SLC19A2: variants seen among roughly 807,000 people sequenced by gnomAD.
The protein encoded by SLC19A2 is solute carrier family 19 member 2.
A neutral mutation model predicts 44.7 loss-of-function variants in SLC19A2; 27 were observed. The ratio of observed to expected loss-of-function variants is 0.60; its 90% CI spans 0.45 to 0.83. The LOEUF is 0.83. Among genes scored for constraint, SLC19A2 ranks in the 40% least tolerant of loss-of-function variants. The pLI is 0.00. For synonymous variants in SLC19A2, 239 were observed against 243.6 expected, an observed-to-expected ratio of 0.98 and a Z score of 0.18; for missense variants, 566 against 613.7, an observed-to-expected ratio of 0.92 and a Z score of 0.82.
intron 1 of SLC19A2, among the ~76,000 whole-genome samples, chr1:169,482,748 A>C (rs777968385): frequency 8.5e-5 from 13 of 152,210 alleles, no homozygotes; most frequent in Non-Finnish European, 1.3e-4. Flanking sequence ...CTTTGAGTAC[A>C]TGTCAACAGA....
At position 169,478,300 on chromosome 1, in the gene SLC19A2, C is replaced by T. The variant is rs560047192; in HGVS notation, c.205-543G>A. ...GACTTCCTTATTCAGAAAGACTTTG[C>T]GGAAGCCAAAAGTACTTGTATTACA... On this transcript the variant is annotated intron_variant, in intron 1 of 5. Transcript: ENST00000236137. Among the ~76,000 whole-genome samples the T allele has an allele frequency of 2.6e-4, 40 of 151,870 alleles. No homozygotes were observed. In the East Asian group the frequency reaches 3.5e-3, roughly 13 times the overall value.
At chr1:169,474,027 G>T (rs1478957105) in intron 2 of SLC19A2, 1 of 152,114 alleles carries the variant, frequency 6.6e-6, no homozygotes, top group Non-Finnish European at 1.5e-5. Context: ...CCAAGTATTA[G>T]AACTAGGGTT....
At chr1:169,474,637 A>C (rs1658268068) in intron 2 of SLC19A2, among the ~76,000 whole-genome samples, 1 of 152,184 alleles carries the variant, frequency 6.6e-6, no homozygotes, top group Non-Finnish European at 1.5e-5. Flanking sequence ...AATCAAGATA[A>C]AACCACCTAC....
In SLC19A2 at chr1:169,485,850, C is replaced by A. The variant is rs1658554493; in HGVS notation, c.-84G>T. On this transcript the variant is annotated 5_prime_UTR_variant, in exon 1 of 6. Transcript: ENST00000236137. ...GGAGTGAGGGTCAGGCACTTGTAAC[C>A]GCGAGTGACGCCTTCTCCCTGTAAG... 5 of 1,390,214 alleles carry A rather than the reference C, an allele frequency of 3.6e-6. No homozygotes were observed. The South Asian group carries it at 4.2e-5, about 12-fold the overall frequency. 86.1% of individuals were successfully genotyped at this position (1,390,214 alleles called of 1,614,324 possible).
chr1:169,468,276 A>G lies in SLC19A2; in HGVS notation c.1224-24T>C, dbSNP rs368571997. 36 of 1,586,644 alleles carry G rather than the reference A, an allele frequency of 2.3e-5. No homozygotes were observed. The African/African-American group carries it at 4.2e-4, about 18-fold the overall frequency. On this transcript the variant is annotated intron_variant, in intron 4 of 5. Coordinates refer to ENST00000236137, the MANE Select transcript of SLC19A2 (RefSeq NM_006996.3). ...AACTTAAAAAAAAATAAAAGAGTGA[A>G]TAAATAAGAATTACTTCTGGAGTAC... is the stretch of plus-strand genomic sequence containing the variant.
Position 169,468,231 on chromosome 1 carries a change from G to A in SLC19A2, c.1245C>T (p.Leu415=), listed in dbSNP as rs758431347. ...ATACTAGGGCATAGCGTTCCATGCT[G>A]AGGTTTGCAGCAATTTGAAAACTTA... ...TIATFQIAAN[L]SMERYALVFG... The change falls in exon 5 of 6, where the codon CTC becomes CTT. Residue 415 remains leucine, a synonymous_variant. Transcript: ENST00000236137. 18 of 1,613,596 alleles carry A rather than the reference G, an allele frequency of 1.1e-5. No homozygotes were observed. Among genetic ancestry groups the A allele is most frequent in the Non-Finnish European group, 1.4e-5 (16 of 1,179,768 alleles).
chr1:169,480,610 C>A (rs981333888), intron 1 of SLC19A2, among the ~76,000 whole-genome samples: 2 of 152,064 alleles, frequency 1.3e-5, no homozygotes, highest in African/African-American at 4.8e-5. Flanking sequence ...TGTCCATTTT[C>A]TAAAGTTTGA....
chr1:169,468,874 C>T, intron 3 of SLC19A2, 38 bp from the exon 4 acceptor site: 1 of 1,573,612 alleles, frequency 6.4e-7, no homozygotes, highest in South Asian at 1.1e-5. Flanking sequence ...TATTTTGCTA[C>T]ACAAATGCTG....
chr1:169,484,787 ATG>A (rs1182575920), intron 1 of SLC19A2, among the ~76,000 whole-genome samples: 10 of 152,214 alleles, frequency 6.6e-5, no homozygotes, highest in African/African-American at 2.2e-4. Flanking sequence ...ACTCTTGATG[ATG>A]GACTACGTGC....
chr1:169,471,497 ACACACACACAC>A (rs1658178988), intron 2 of SLC19A2, among the ~76,000 whole-genome samples: 1 of 136,724 alleles, frequency 7.3e-6, no homozygotes, highest in Non-Finnish European at 1.5e-5. Context: ...ACACACACAC[ACACACACACAC>A]AATTTAATTA....
chr1:169,485,808 C>A lies in SLC19A2; in HGVS notation c.-42G>T. The A allele has an allele frequency of 6.7e-7, 1 of 1,502,202 alleles. No individual in the cohort carries two copies. The highest frequency in any genetic ancestry group is 8.8e-7 in the Non-Finnish European group (1 of 1,132,628). The allele number at this position is 1,502,202 out of a possible 1,614,324, so 93.1% of individuals were successfully genotyped here. A position where few individuals can be genotyped will look rare whatever the true frequency, so the allele number is the denominator to read the frequency against. On this transcript the variant is annotated 5_prime_UTR_variant, in exon 1 of 6. Transcript: ENST00000236137. ...GGGGACCCGGCCCGGCCCCTTCCTT[C>A]TCCTCCTCCGCCAACTGGAGTGAGG...
chr1:169,483,059 T>C (rs1316467514), intron 1 of SLC19A2, among the ~76,000 whole-genome samples: 1 of 152,230 alleles, frequency 6.6e-6, no homozygotes, highest in Non-Finnish European at 1.5e-5. Context: ...TACAGTCAAA[T>C]TTTAGCCTGC....
chr1:169,471,223 A>C (rs1658168661), intron 2 of SLC19A2, among the ~76,000 whole-genome samples: 1 of 152,172 alleles, frequency 6.6e-6, no homozygotes, highest in African/African-American at 2.4e-5. Context: ...ATGTATACGT[A>C]CATATGTATA....
intron 1 of SLC19A2, among the ~76,000 whole-genome samples, chr1:169,481,405 A>G (rs1404362178): frequency 6.6e-6 from 1 of 152,226 alleles, no homozygotes; most frequent in Non-Finnish European, 1.5e-5. Context: ...ATCATCTACT[A>G]TCTTCCAGGT....
intron 2 of SLC19A2, among the ~76,000 whole-genome samples, chr1:169,474,945 G>A (rs1017326278): frequency 3.9e-5 from 6 of 152,034 alleles, no homozygotes; most frequent in African/African-American, 9.7e-5. Flanking sequence ...AGACTTCACC[G>A]AGAAAGGTTT....
rs958059254 is a variant in SLC19A2, at chr1:169,464,346, CTTCCCT to C, written c.*1497_*1502del. ...GAAGGTTGCTACTTTTATGATATCA[CTTCCCT>C]TTCCCTTCCTTAGCTAGTGTTCTTT... On this transcript the variant is annotated 3_prime_UTR_variant, in exon 6 of 6. Coordinates refer to ENST00000236137, the MANE Select transcript of SLC19A2 (RefSeq NM_006996.3). 6.6e-6 allele frequency: 1 copy of C among 152,366 alleles called. No individual in the cohort carries two copies. The highest frequency in any genetic ancestry group is 1.5e-5 in the Non-Finnish European group (1 of 67,992). 9.4% of individuals were successfully genotyped at this position (152,366 alleles called of 1,614,324 possible). A position where few individuals can be genotyped will look rare whatever the true frequency, so the allele number is the denominator to read the frequency against.
intron 1 of SLC19A2, among the ~76,000 whole-genome samples, chr1:169,482,431 C>A (rs2101785036): frequency 6.6e-6 from 1 of 151,934 alleles, no homozygotes; most frequent in Admixed American, 6.6e-5. Context: ...ATCCTGGCTA[C>A]TCAGGAAACT....
chr1:169,468,862 A>G (rs1658099491), intron 3 of SLC19A2, 26 bp from the exon 4 acceptor site: 2 of 1,603,468 alleles, frequency 1.2e-6, no homozygotes, highest in East Asian at 2.2e-5. Flanking sequence ...AAAAAATCCA[A>G]TTATTTTGCT....
intron 4 of SLC19A2, 133 bp downstream of exon 4, chr1:169,468,511 T>G: frequency 1.3e-6 from 1 of 761,162 alleles, no homozygotes; most frequent in Admixed American, 2.6e-5. Context: ...AAACTGATAA[T>G]GCACATATAA....
Sources: gnomAD v4.1 joint callset for allele counts (sites outside exome capture counted in the v4.1 genomes callset) on GRCh38, gnomAD v4.1.1 for gene constraint, MANE v1.5 for transcripts, NCBI Gene and HGNC (gene_info 2026-07-23, HGNC 2026-07-21) for gene names.